The following PHTF1 variants were observed in gnomAD, a reference collection of about 807,000 sequenced individuals.
PHTF1 encodes the protein protein PHTF1.
A neutral mutation model predicts 102.4 loss-of-function variants in PHTF1; 88 were observed. The ratio of observed to expected loss-of-function variants is 0.86; its 90% CI spans 0.72 to 1.03. The LOEUF is 1.03. Among genes scored for constraint, PHTF1 ranks in the 50% least tolerant of loss-of-function variants. PHTF1 has a pLI of 0.00. For synonymous variants in PHTF1, 289 were observed against 305.2 expected, an observed-to-expected ratio of 0.95 and a Z score of 0.55; for missense variants, 814 against 909.5, an observed-to-expected ratio of 0.89 and a Z score of 1.35.
At chr1:113,707,077 T>G (rs1055408932) in intron 11 of PHTF1, among the ~76,000 whole-genome samples, 2 of 152,056 alleles carry the variant, frequency 1.3e-5, no homozygotes, top group African/African-American at 4.8e-5. Flanking sequence ...TGAGGAGAGA[T>G]AGTCCATGAT....
At position 113,758,640 on chromosome 1, in the gene PHTF1, A is replaced by AT; in HGVS notation, c.45+18_45+19insA. On this transcript the variant is annotated intron_variant, in intron 2 of 18. Transcript: ENST00000369604. ...AGGAAGAATGCTTTACAAATAAAAA[A>AT]AATATATATATGTATTACCTTCTTT... The AT allele has an allele frequency of 1.4e-6, 2 of 1,433,762 alleles. No homozygotes were observed. The highest frequency in any genetic ancestry group is 4.9e-5 in the East Asian group (2 of 41,074). The allele number at this position is 1,433,762 out of a possible 1,614,324, so 88.8% of individuals were successfully genotyped here.
intron 7 of PHTF1, among the ~76,000 whole-genome samples, chr1:113,715,783 A>G (rs1651920750): frequency 1.3e-5 from 2 of 151,338 alleles, no homozygotes; most frequent in Admixed American, 1.3e-4. Flanking sequence ...AAAAAAAAAA[A>G]TCAAACAAAT....
At chr1:113,753,724 T>TC (rs1557977867) in intron 3 of PHTF1, among the ~76,000 whole-genome samples, 2 of 133,798 alleles carry the variant, frequency 1.5e-5, no homozygotes, top group African/African-American at 5.5e-5. Flanking sequence ...GTGCCCAGCC[T>TC]TTTTTTTTTT....
At chr1:113,740,489 G>A (rs1219550447) in intron 3 of PHTF1, among the ~76,000 whole-genome samples, 1 of 152,070 alleles carries the variant, frequency 6.6e-6, no homozygotes, top group East Asian at 1.9e-4. Flanking sequence ...TGAAAAGTTT[G>A]CAAATGTTTT....
At chr1:113,702,085 G>A (rs1311090054) in intron 15 of PHTF1, among the ~76,000 whole-genome samples, 2 of 151,840 alleles carry the variant, frequency 1.3e-5, no homozygotes, top group African/African-American at 2.4e-5. Context: ...TACATCTTGC[G>A]GTTTTAAAAT....
intron 13 of PHTF1, chr1:113,705,644 C>A: frequency 2.6e-6 from 1 of 386,844 alleles, no homozygotes; most frequent in South Asian, 6.2e-5. Context: ...AAGCAGTCGG[C>A]TAGGCTCACT....
At chr1:113,713,696 A>T in intron 7 of PHTF1, 1 of 368,064 alleles carries the variant, frequency 2.7e-6, no homozygotes, top group South Asian at 2.9e-5. Context: ...GTTGCACAAA[A>T]GTAGGTTCAC....
At chr1:113,750,448 C>T (rs1250385863) in intron 3 of PHTF1, among the ~76,000 whole-genome samples, 1 of 151,982 alleles carries the variant, frequency 6.6e-6, no homozygotes, top group Admixed American at 6.5e-5. Context: ...GATTTTTGTT[C>T]ACTCTAATAT....
intron 7 of PHTF1, among the ~76,000 whole-genome samples, chr1:113,715,407 C>T (rs1651829349): frequency 6.6e-6 from 1 of 151,984 alleles, no homozygotes; most frequent in Non-Finnish European, 1.5e-5. Context: ...GTAATCCCAG[C>T]AGTTTGGGAG....
intron 3 of PHTF1, among the ~76,000 whole-genome samples, chr1:113,752,463 G>A (rs571572187): frequency 7.5e-6 from 1 of 132,526 alleles, no homozygotes; most frequent in Non-Finnish European, 1.5e-5. Flanking sequence ...GCAGTGGCGC[G>A]ATCTTGGCTC....
chr1:113,704,139 A>G lies in PHTF1; in HGVS notation c.1832T>C (p.Val611Ala). ...KRRGPQRSVD[V>A]VVSSVFLLTL... ...CAGTAGGAAAACCGAGGATACAACC[A>G]CATCAACTGAACGCTGTGGCCCCCG... The change falls in exon 15 of 19, where the codon GTG becomes GCG. Residue 611 changes from valine (V) to alanine (A), a missense_variant. Val to Ala is a moderately conservative substitution (Grantham distance 64). Transcript: ENST00000369604. 6.2e-7 allele frequency: 1 copy of G among 1,613,554 alleles called. No individual in the cohort carries two copies. Among genetic ancestry groups the G allele is most frequent in the Non-Finnish European group, 8.5e-7 (1 of 1,179,514 alleles).
intron 3 of PHTF1, among the ~76,000 whole-genome samples, chr1:113,750,221 A>G (rs963809749): frequency 1.3e-5 from 2 of 152,040 alleles, no homozygotes. Context: ...CCCGGCCTCG[A>G]GCAAAAACCT....
intron 5 of PHTF1, among the ~76,000 whole-genome samples, chr1:113,736,665 A>G (rs1655548252): frequency 6.6e-6 from 1 of 152,172 alleles, no homozygotes; most frequent in South Asian, 2.1e-4. Flanking sequence ...GAATCACTTA[A>G]GCCTAGGAGG....
At chr1:113,729,702 C>T (rs1340673565) in intron 5 of PHTF1, among the ~76,000 whole-genome samples, 2 of 152,092 alleles carry the variant, frequency 1.3e-5, no homozygotes, top group East Asian at 3.9e-4. Context: ...TAACAAGGTA[C>T]CTAAGGATGG....
chr1:113,721,602 G>GA (rs912705179), intron 7 of PHTF1, among the ~76,000 whole-genome samples: 2 of 152,250 alleles, frequency 1.3e-5, no homozygotes, highest in African/African-American at 2.4e-5. Context: ...CTTATATTTG[G>GA]AAAAACCTAC....
Position 113,697,719 on chromosome 1 carries a change from T to C in PHTF1, c.2275A>G (p.Lys759Glu). 6.2e-7 allele frequency: 1 copy of C among 1,606,972 alleles called. No homozygotes were observed. The highest frequency in any genetic ancestry group is 8.5e-7 in the Non-Finnish European group (1 of 1,173,558). The change falls in exon 19 of 19, where the codon AAA becomes GAA. Residue 759 changes from lysine to glutamate, a missense_variant. Physicochemically the swap from Lys to Glu is moderately conservative, Grantham distance 56. Coordinates refer to ENST00000369604, the MANE Select transcript of PHTF1 (RefSeq NM_001323043.2). ...DLLGFNIRLW[K>E]IKS The stretch of plus-strand genomic sequence containing the variant: ...ATTTACTCAGCTTATGATTTAATTT[T>C]CCACAGCTAAGAGAACAAAATCACC...
chr1:113,713,272 A>G lies in PHTF1; in HGVS notation c.783+7T>C, dbSNP rs1557919629. On this transcript the variant is annotated splice_region_variant and intron_variant, in intron 8 of 18. Coordinates refer to ENST00000369604, the MANE Select transcript of PHTF1 (RefSeq NM_001323043.2). ...AAAACCCCTTGTTAAATCCATCTAA[A>G]TCTTACCCTACGGCACTTTTCTCCA... 5 of 1,612,544 alleles carry G rather than the reference A, an allele frequency of 3.1e-6. No homozygotes were observed. The highest frequency in any genetic ancestry group is 4.2e-6 in the Non-Finnish European group (5 of 1,178,914).
chr1:113,699,500 T>A, intron 17 of PHTF1: 4 of 651,250 alleles, frequency 6.1e-6, no homozygotes, highest in Non-Finnish European at 1.1e-5. Context: ...CCACTCTTTG[T>A]CCTTAATCTT....
intron 7 of PHTF1, among the ~76,000 whole-genome samples, chr1:113,722,189 C>T (rs947815106): frequency 2.0e-5 from 3 of 151,932 alleles, no homozygotes; most frequent in Admixed American, 6.6e-5. Context: ...CAGTGGGTCA[C>T]GCCTGTAATC....
Sources: allele counts gnomAD v4.1 joint callset (sites outside exome capture counted in the v4.1 genomes callset), GRCh38; gene constraint gnomAD v4.1.1; transcripts MANE v1.5; gene names NCBI Gene and HGNC (gene_info 2026-07-23, HGNC 2026-07-21).